Variants in GALNT14 observed in about 807,000 individuals in gnomAD.
GALNT14 encodes polypeptide N-acetylgalactosaminyltransferase 14.
In GALNT14, 60 loss-of-function variants were observed where a neutral mutation model predicts 77.5. The observed-to-expected ratio is 0.77, with a 90% CI of 0.63 to 0.96. The LOEUF (loss-of-function observed/expected upper bound fraction) is 0.96, where lower values mean the gene tolerates loss of function less well. Ranked by LOEUF, GALNT14 falls within the 40% of genes least tolerant of loss-of-function variation. The probability of loss-of-function intolerance (pLI) is 0.00; values close to 1 mark genes in which losing one functional copy is unlikely to be tolerated. For synonymous variants in GALNT14, 280 were observed against 281.7 expected, an observed-to-expected ratio of 0.99 and a Z score of 0.06; for missense variants, 710 against 731.0, an observed-to-expected ratio of 0.97 and a Z score of 0.33.
rs112540480 is a variant in GALNT14, at chr2:31,034,911, T to C, written c.130-41904A>G. The stretch of plus-strand genomic sequence containing the variant: ...CACATATTTGTGAATTTCCCAAATA[T>C]CCTTTCATCATTGATTTCCAAGTTC... On this transcript the variant is annotated intron_variant, in intron 1 of 14. Transcript: ENST00000349752. 6.3e-3 allele frequency among the ~76,000 whole-genome samples: 961 copies of C among 152,370 alleles called. 10 individuals carry two copies. The highest frequency in any genetic ancestry group is 0.022 in the African/African-American group (911 of 41,578).
chr2:30,901,665 G>C, the GALNT14 span, among the ~76,000 whole-genome samples: 2 of 151,618 alleles, frequency 1.3e-5, no homozygotes, highest in African/African-American at 4.9e-5. Context: ...TCATATATGT[G>C]TATGTATATA....
intron 1 of GALNT14, among the ~76,000 whole-genome samples, chr2:31,071,671 C>T (rs1403051065): frequency 6.6e-6 from 1 of 152,214 alleles, no homozygotes; most frequent in Non-Finnish European, 1.5e-5. Context: ...TTCTAAGGTG[C>T]TCTGCAGCTC....
Position 30,921,294 on chromosome 2 carries a change from A to C in GALNT14, c.1380+2825T>G, listed in dbSNP as rs967820628. On this transcript the variant is annotated intron_variant, in intron 13 of 14. Coordinates refer to ENST00000349752, the MANE Select transcript of GALNT14 (RefSeq NM_024572.4). ...GACCAAGCACACTCCTGCCCCAGGG[A>C]AAGGGGGAAGACAACACTCTGGCTG... Among the ~76,000 whole-genome samples, 6 of 152,112 alleles carry C rather than the reference A, an allele frequency of 3.9e-5. No homozygotes were observed. In the East Asian group the frequency reaches 1.2e-3, roughly 29 times the overall value.
chr2:31,031,482 C>T (rs1862968), intron 1 of GALNT14, among the ~76,000 whole-genome samples: 59,983 of 151,922 alleles, frequency 0.39, 12,023 homozygotes, highest in East Asian at 0.55. Flanking sequence ...ATCTTACTTT[C>T]GGTCCAGTCT....
intron 9 of GALNT14, among the ~76,000 whole-genome samples, chr2:30,938,538 G>A (rs576740809): frequency 6.6e-6 from 1 of 152,044 alleles, no homozygotes; most frequent in South Asian, 2.1e-4. Flanking sequence ...ATCAACTTCT[G>A]AAAAAAAATC....
Position 31,114,685 on chromosome 2 carries a change from G to A in GALNT14, c.129+23273C>T, listed in dbSNP as rs1678011666. On this transcript the variant is annotated intron_variant, in intron 1 of 14. Coordinates refer to ENST00000349752, the MANE Select transcript of GALNT14 (RefSeq NM_024572.4). ...GTGAATAACAATAATCCCAGAAGGG[G>A]AAAAAGGAACAAATACAAAAGAGAC... 5 of 699,690 alleles carry A rather than the reference G, an allele frequency of 7.1e-6. No homozygotes were observed. In the South Asian group the frequency reaches 7.9e-5, roughly 11 times the overall value. 43.3% of individuals were successfully genotyped at this position (699,690 alleles called of 1,614,324 possible).
intron 1 of GALNT14, among the ~76,000 whole-genome samples, chr2:31,032,774 T>C (rs1019921716): frequency 6.6e-6 from 1 of 152,216 alleles, no homozygotes; most frequent in African/African-American, 2.4e-5. Context: ...ATCACGGGTC[T>C]ACTGTGAAGA....
chr2:31,109,697 T>G (rs975324127), intron 1 of GALNT14, among the ~76,000 whole-genome samples: 1 of 152,230 alleles, frequency 6.6e-6, no homozygotes, highest in Non-Finnish European at 1.5e-5. Context: ...TCTAGCTTAT[T>G]TGCGTGCAGT....
At chr2:31,093,261 C>T (rs1676845624) in intron 1 of GALNT14, among the ~76,000 whole-genome samples, 1 of 152,162 alleles carries the variant, frequency 6.6e-6, no homozygotes, top group Admixed American at 6.5e-5. Flanking sequence ...CCTGGGCTCC[C>T]AACAGCCTTG....
At chr2:30,913,164 A>C (rs1204189848) in intron 13 of GALNT14, among the ~76,000 whole-genome samples, 1 of 139,646 alleles carries the variant, frequency 7.2e-6, no homozygotes, top group African/African-American at 2.7e-5. Flanking sequence ...CCAGTTCTTA[A>C]GTCAGTGGGG....
At chr2:30,943,758 C>G (rs1666519110) in intron 8 of GALNT14, among the ~76,000 whole-genome samples, 1 of 152,198 alleles carries the variant, frequency 6.6e-6, no homozygotes. Context: ...TACCAACTGG[C>G]TCCAATTTTC....
chr2:30,991,563 C>T (rs1199126393), intron 2 of GALNT14: 1 of 152,244 alleles, frequency 6.6e-6, no homozygotes, highest in Non-Finnish European at 1.5e-5. Flanking sequence ...CTGCCAGGAA[C>T]TGCTGCTAAG....
intron 1 of GALNT14, chr2:31,065,278 T>C (rs1234205831): frequency 6.6e-6 from 1 of 152,180 alleles, no homozygotes; most frequent in East Asian, 1.9e-4. Flanking sequence ...TCCCGCTTCC[T>C]CACTCCTGCT....
chr2:30,958,076 C>G (rs986365590), intron 4 of GALNT14, among the ~76,000 whole-genome samples: 4 of 152,156 alleles, frequency 2.6e-5, no homozygotes, highest in African/African-American at 4.8e-5. Context: ...GCAACCCTCA[C>G]TGTGTCATGG....
chr2:31,008,913 C>A (rs1025967573), intron 1 of GALNT14, among the ~76,000 whole-genome samples: 2 of 152,128 alleles, frequency 1.3e-5, no homozygotes, highest in Non-Finnish European at 2.9e-5. Context: ...ACTGCTCAGG[C>A]CAGGATGCCA....
At chr2:31,094,716 G>C (rs1305997007) in intron 1 of GALNT14, among the ~76,000 whole-genome samples, 1 of 152,210 alleles carries the variant, frequency 6.6e-6, no homozygotes, top group East Asian at 1.9e-4. Flanking sequence ...AGAACATGAG[G>C]CTGGTCTTGA....
intron 1 of GALNT14, among the ~76,000 whole-genome samples, chr2:31,136,851 G>T (rs1016078431): frequency 6.6e-6 from 1 of 152,122 alleles, no homozygotes; most frequent in African/African-American, 2.4e-5. Flanking sequence ...TATGAGGAAG[G>T]CACCTACTAT....
rs543031920 is a variant in GALNT14 at position 30,967,273 on chromosome 2, C to T, written c.300-971G>A. Among the ~76,000 whole-genome samples the T allele has an allele frequency of 9.2e-5, 14 of 152,304 alleles. No individual in the cohort carries two copies. The East Asian group carries it at 2.7e-3, about 29-fold the overall frequency. Reference sequence around the variant, plus strand: ...TTTGCAAACTGTGTGTATAAATGTGCATTTCTTTTCCCCTGGAAAGATAGT... The same window carrying T: ...TTTGCAAACTGTGTGTATAAATGTGTATTTCTTTTCCCCTGGAAAGATAGT... On this transcript the variant is annotated intron_variant, in intron 2 of 14. Transcript: ENST00000349752.
intron 1 of GALNT14, among the ~76,000 whole-genome samples, chr2:31,010,450 T>A (rs573586061): frequency 3.0e-4 from 46 of 152,176 alleles, no homozygotes; most frequent in Non-Finnish European, 5.4e-4. Flanking sequence ...ATACAAAAAA[T>A]AAATAAATAA....
Sources: gnomAD v4.1 joint callset for allele counts (sites outside exome capture counted in the v4.1 genomes callset) on GRCh38, gnomAD v4.1.1 for gene constraint, MANE v1.5 for transcripts, NCBI Gene and HGNC (gene_info 2026-07-23, HGNC 2026-07-21) for gene names.